The following SPPL2B variants were observed in gnomAD, a reference collection of about 807,000 sequenced individuals.
SPPL2B encodes the protein signal peptide peptidase-like 2B.
Under a neutral mutation model 59.7 loss-of-function variants are expected in SPPL2B, and 39 were observed. The ratio of observed to expected loss-of-function variants is 0.65; its 90% CI spans 0.51 to 0.85. SPPL2B has a LOEUF of 0.85. SPPL2B is among the 40% of genes least tolerant of loss of function. The pLI is 0.00. For missense variants in SPPL2B, 865 were observed against 849.0 expected, an observed-to-expected ratio of 1.02 and a Z score of -0.23; for synonymous variants, 419 against 370.8, an observed-to-expected ratio of 1.13 and a Z score of -1.49.
At chr19:2,341,348 C>G in intron 8 of SPPL2B, 1 of 526,614 alleles carries the variant, frequency 1.9e-6, no homozygotes, top group Non-Finnish European at 3.7e-6. Context: ...TGTCCCTTTC[C>G]TGGCACCCAC....
rs930857047 is a variant in SPPL2B, at chr19:2,351,513, G to T, written c.1434G>T (p.Val478=). 9 of 1,610,976 alleles carry T rather than the reference G, an allele frequency of 5.6e-6. No homozygotes were observed. The African/African-American group carries it at 1.1e-4, about 19-fold the overall frequency. ...GCCAGCCCGCTCTCCTCTACCTGGTGCCCTGCACGCTGGTGACGAGCTGCG... is the reference window on the plus strand; with the variant it reads ...GCCAGCCCGCTCTCCTCTACCTGGTTCCCTGCACGCTGGTGACGAGCTGCG... ...QRGQPALLYL[V]PCTLVTSCAV... The change falls in exon 14 of 15, where the codon GTG becomes GTT. Residue 478 remains valine (V), a synonymous_variant. Transcript: ENST00000613503.
intron 2 of SPPL2B, 64 bp downstream of exon 2, chr19:2,334,785 C>T (rs953275590): frequency 6.2e-6 from 9 of 1,456,936 alleles, no homozygotes; most frequent in Non-Finnish European, 7.3e-6. Flanking sequence ...GCTCTAGAGA[C>T]ACATCCGGCT....
At chr19:2,347,170 CCA>C (rs1242938400) in intron 13 of SPPL2B, among the ~76,000 whole-genome samples, 4 of 148,284 alleles carry the variant, frequency 2.7e-5, no homozygotes, top group East Asian at 2.0e-4. Flanking sequence ...CGTTCTCTCT[CCA>C]CACACACGCG....
chr19:2,338,474 C>T (rs906519039), intron 3 of SPPL2B: 9 of 374,900 alleles, frequency 2.4e-5, no homozygotes, highest in Admixed American at 4.2e-5. Flanking sequence ...CTTGTATGTG[C>T]GGTTCGGGAG....
chr19:2,337,199 C>T (rs1234335728), intron 2 of SPPL2B: 2 of 417,204 alleles, frequency 4.8e-6, no homozygotes, highest in East Asian at 3.9e-5. Flanking sequence ...GCTCAGGTAT[C>T]AGGGGACAGC....
At chr19:2,339,674 C>T (rs1293421712) in intron 5 of SPPL2B, 150 bp from the exon 6 acceptor site, 22 of 843,782 alleles carry the variant, frequency 2.6e-5, no homozygotes, top group Middle Eastern at 2.9e-4. Context: ...GCCCTGGGGA[C>T]GTTCGGGGCG....
rs1394535612 is a variant in SPPL2B, at chr19:2,353,173, G to C, written c.1743G>C (p.Gln581His). 1.9e-6 allele frequency: 3 copies of C among 1,607,924 alleles called. No individual in the cohort carries two copies. The South Asian group carries it at 3.3e-5, about 18-fold the overall frequency. ...AATCCGAGGGCCGGGACCAGGCCCA[G>C]CCGTCCCCGGTAACCCAGCCTGGCG... ...PAESEGRDQA[Q>H]PSPVTQPGAS... The change falls in exon 15 of 15, where the codon CAG (glutamine) becomes CAC (histidine). Residue 581 changes from glutamine to histidine, a missense_variant. Physicochemically the swap from Gln to His is conservative, Grantham distance 24 (BLOSUM62 0). Transcript: ENST00000613503.
Position 2,340,945 on chromosome 19 carries a change from G to T in SPPL2B, c.887G>T (p.Arg296Leu), listed in dbSNP as rs760548564. The T allele has an allele frequency of 1.2e-6, 2 of 1,603,384 alleles. No homozygotes were observed. Residue 296 changes from arginine to leucine, a missense_variant, in exon 8 of 15, where the codon CGT becomes CTT. Coordinates refer to ENST00000613503, the MANE Select transcript of SPPL2B (RefSeq NM_152988.3). The part of the protein sequence containing the change: ...LPYFHKRPQA[R>L]MLLLALFCVA... ...TACTTCCACAAGCGCCCGCAGGCCC[G>T]TATGCTGCTCCTGGCGCTCTTCTGC...
At chr19:2,351,696 G>C in intron 14 of SPPL2B, 102 bp downstream of exon 14, 1 of 1,474,376 alleles carries the variant, frequency 6.8e-7, no homozygotes, top group Non-Finnish European at 9.1e-7. Context: ...CCCTGCGGCC[G>C]CGACGGGGCT....
At chr19:2,349,915 C>T (rs190983875) in intron 13 of SPPL2B, among the ~76,000 whole-genome samples, 1 of 144,316 alleles carries the variant, frequency 6.9e-6, no homozygotes, top group South Asian at 2.2e-4. Flanking sequence ...TGATTCCATT[C>T]TCTCTCTCCA....
rs1968933836 is a variant in SPPL2B, at chr19:2,340,077, G to A, written c.744G>A (p.Val248=). ...GGCCTCACGGCCCTGCCCCTGCAGTGTACGTGGTCATCGGGATCTTCTGCC... is the reference window on the plus strand; with the variant it reads ...GGCCTCACGGCCCTGCCCCTGCAGTATACGTGGTCATCGGGATCTTCTGCC... ...VLLYYFYDLL[V]YVVIGIFCLA... The change falls in exon 7 of 15, where the codon GTG becomes GTA. Residue 248 remains valine (V), a splice_region_variant and synonymous_variant. Transcript: ENST00000613503. 4 of 1,593,222 alleles carry A rather than the reference G, an allele frequency of 2.5e-6. No homozygotes were observed. In the East Asian group the frequency reaches 9.0e-5, roughly 36 times the overall value.
At chr19:2,336,914 T>TGTGC (rs1491145650) in intron 2 of SPPL2B, among the ~76,000 whole-genome samples, 10 of 147,572 alleles carry the variant, frequency 6.8e-5, no homozygotes, top group African/African-American at 2.5e-4. Flanking sequence ...TGTGTGTGTG[T>TGTGC]GCATGTATGC....
chr19:2,348,648 T>C (rs1280472243), intron 13 of SPPL2B, among the ~76,000 whole-genome samples: 7 of 101,936 alleles, frequency 6.9e-5, no homozygotes, highest in African/African-American at 2.5e-4. Flanking sequence ...TGTCATTCGC[T>C]TGATTCCGTT....
chr19:2,341,028 C>A lies in SPPL2B; in HGVS notation c.956+14C>A. The A allele has an allele frequency of 2.5e-6, 4 of 1,585,212 alleles. No individual in the cohort carries two copies. The highest frequency in any genetic ancestry group is 3.4e-6 in the Non-Finnish European group (4 of 1,163,966). Reference sequence around the variant, plus strand: ...CAACGAGGACCAGTAAGTGCTGCTTCCCCCGGGCCCCGGCGGGCAGCGGAG... The same window carrying A: ...CAACGAGGACCAGTAAGTGCTGCTTACCCCGGGCCCCGGCGGGCAGCGGAG... On this transcript the variant is annotated intron_variant, in intron 8 of 14. Transcript: ENST00000613503.
chr19:2,351,305 C>A, intron 13 of SPPL2B, 129 bp from the exon 14 acceptor site: 1 of 730,238 alleles, frequency 1.4e-6, no homozygotes, highest in East Asian at 2.5e-5. Flanking sequence ...GGCTGAACCC[C>A]CACTGTACCT....
chr19:2,336,996 G>GT (rs1568432804), intron 2 of SPPL2B: 9 of 158,154 alleles, frequency 5.7e-5, no homozygotes, highest in African/African-American at 2.3e-4. Flanking sequence ...GCCTGGCTGT[G>GT]GGTGTGTGTG....
chr19:2,340,039 G>A (rs763412108), intron 6 of SPPL2B, 37 bp from the exon 7 acceptor site: 35 of 1,568,988 alleles, frequency 2.2e-5, no homozygotes, highest in South Asian at 2.1e-4. Context: ...GGTGGCGTGC[G>A]GGCCTGGCCC....
At chr19:2,343,522 CAT>C (rs1969179122) in intron 9 of SPPL2B, among the ~76,000 whole-genome samples, 1 of 152,156 alleles carries the variant, frequency 6.6e-6, no homozygotes, top group Admixed American at 6.5e-5. Flanking sequence ...AGGGGCAACT[CAT>C]GTCTAGATGA....
intron 13 of SPPL2B, among the ~76,000 whole-genome samples, chr19:2,348,743 TTC>T (rs199497427): frequency 3.8e-3 from 103 of 26,978 alleles, no homozygotes; most frequent in East Asian, 0.027. Flanking sequence ...CTTGATTCCG[TTC>T]TCTCTCTCCA....
Sources: allele counts gnomAD v4.1 joint callset (sites outside exome capture counted in the v4.1 genomes callset), GRCh38; gene constraint gnomAD v4.1.1; transcripts MANE v1.5; gene names NCBI Gene and HGNC (gene_info 2026-07-23, HGNC 2026-07-21).